SPOCK1: variants seen among roughly 807,000 people sequenced by gnomAD.
The protein encoded by SPOCK1 is SPARC (osteonectin), cwcv and kazal like domains proteoglycan 1.
Under a neutral mutation model 55.3 loss-of-function variants are expected in SPOCK1, and 23 were observed. The ratio of observed to expected loss-of-function variants is 0.42; its 90% CI spans 0.30 to 0.59. The LOEUF (loss-of-function observed/expected upper bound fraction) is 0.59, where lower values mean the gene tolerates loss of function less well. SPOCK1 is among the 20% of genes least tolerant of loss of function. SPOCK1 has a pLI of 0.22. For missense variants in SPOCK1, 499 were observed against 552.5 expected (o/e 0.90, Z 0.97); for synonymous variants, 226 against 221.0 (o/e 1.02, Z -0.20).
intron 5 of SPOCK1, among the ~76,000 whole-genome samples, chr5:137,077,641 C>T (rs1423984363): frequency 6.6e-6 from 1 of 152,182 alleles, no homozygotes; most frequent in African/African-American, 2.4e-5. Context: ...CAGACTTAGC[C>T]TCTCCTGGAG....
chr5:137,357,009 C>T (rs1243520561), intron 2 of SPOCK1, among the ~76,000 whole-genome samples: 2 of 150,854 alleles, frequency 1.3e-5, no homozygotes, highest in African/African-American at 4.9e-5. Flanking sequence ...CCCAGGAACA[C>T]AAAGGGAAGT....
At chr5:137,480,213 A>G (rs1399540381) in intron 2 of SPOCK1, among the ~76,000 whole-genome samples, 1 of 152,056 alleles carries the variant, frequency 6.6e-6, no homozygotes, top group Non-Finnish European at 1.5e-5. Flanking sequence ...AAATTCCTTC[A>G]ATACGCTGGC....
At chr5:137,044,508 A>G (rs569249214) in intron 6 of SPOCK1, among the ~76,000 whole-genome samples, 1 of 152,220 alleles carries the variant, frequency 6.6e-6, no homozygotes, top group Non-Finnish European at 1.5e-5. Context: ...TTTGAATTTT[A>G]AAAGGCGTAT....
chr5:137,054,799 C>T (rs1056794146), intron 6 of SPOCK1, among the ~76,000 whole-genome samples: 3 of 152,134 alleles, frequency 2.0e-5, no homozygotes, highest in African/African-American at 7.2e-5. Flanking sequence ...AGACATATTA[C>T]AAATTAATAT....
chr5:137,157,568 T>C (rs796695429), intron 3 of SPOCK1, among the ~76,000 whole-genome samples: 1 of 152,196 alleles, frequency 6.6e-6, no homozygotes, highest in African/African-American at 2.4e-5. Flanking sequence ...CTGGGCTGGG[T>C]CTTTAGCACC....
intron 2 of SPOCK1, among the ~76,000 whole-genome samples, chr5:137,386,934 A>G (rs1751610243): frequency 6.6e-6 from 1 of 152,248 alleles, no homozygotes; most frequent in Non-Finnish European, 1.5e-5. Context: ...AATTCAAAAT[A>G]TATAAAGAAC....
intron 4 of SPOCK1, among the ~76,000 whole-genome samples, chr5:137,123,945 C>T (rs1418967118): frequency 1.3e-5 from 2 of 152,020 alleles, no homozygotes; most frequent in African/African-American, 2.4e-5. Context: ...TTTGTACCCC[C>T]AATGCCAGCA....
intron 3 of SPOCK1, among the ~76,000 whole-genome samples, chr5:137,248,885 T>A (rs1380577737): frequency 6.6e-6 from 1 of 152,226 alleles, no homozygotes; most frequent in African/African-American, 2.4e-5. Flanking sequence ...TCCTTTCCCA[T>A]CTGAGAATCT....
intron 2 of SPOCK1, among the ~76,000 whole-genome samples, chr5:137,486,789 G>A (rs1754067034): frequency 1.3e-5 from 2 of 152,236 alleles, no homozygotes; most frequent in South Asian, 2.1e-4. Context: ...AGTAAACACA[G>A]TATTATTTTA....
chr5:137,223,925 T>C (rs1226278784), intron 3 of SPOCK1, among the ~76,000 whole-genome samples: 1 of 152,244 alleles, frequency 6.6e-6, no homozygotes, highest in Non-Finnish European at 1.5e-5. Flanking sequence ...GGAATCACCT[T>C]AGTGCACGCA....
chr5:137,199,571 C>G (rs557436740), intron 3 of SPOCK1, among the ~76,000 whole-genome samples: 1 of 152,180 alleles, frequency 6.6e-6, no homozygotes, highest in Non-Finnish European at 1.5e-5. Context: ...ATCTCCTCCT[C>G]CTCCTTGAAC....
chr5:136,995,904 G>C (rs1186866255), intron 6 of SPOCK1, among the ~76,000 whole-genome samples: 1 of 152,218 alleles, frequency 6.6e-6, no homozygotes, highest in Non-Finnish European at 1.5e-5. Context: ...GAAATGGAAA[G>C]AGGAGGCTCT....
At chr5:137,006,686 T>C (rs1751256157) in intron 6 of SPOCK1, among the ~76,000 whole-genome samples, 1 of 152,204 alleles carries the variant, frequency 6.6e-6, no homozygotes, top group African/African-American at 2.4e-5. Context: ...GAATACCTTT[T>C]ATTTCTTTCT....
At chr5:137,318,189 C>T (rs925442076) in intron 2 of SPOCK1, among the ~76,000 whole-genome samples, 6 of 152,104 alleles carry the variant, frequency 3.9e-5, no homozygotes, top group African/African-American at 1.4e-4. Context: ...CCTATCGTAA[C>T]ATTCCACTGG....
intron 2 of SPOCK1, among the ~76,000 whole-genome samples, chr5:137,448,523 C>A (rs952203643): frequency 6.6e-6 from 1 of 152,102 alleles, no homozygotes. Context: ...TGTGCCTGGG[C>A]TACAGCGGCC....
In SPOCK1 at chr5:137,201,780, T is replaced by C. The variant is rs184160401; in HGVS notation, c.233-61086A>G. Among the ~76,000 whole-genome samples, 597 of 152,284 alleles carry C rather than the reference T, an allele frequency of 3.9e-3. 3 individuals carry two copies. The highest frequency in any genetic ancestry group is 9.6e-3 in the African/African-American group (398 of 41,542). ...CTTGGATAATGGCTACAGTAAACGG[T>C]ACACACTGTCTCTTCTTCATCATTT... On this transcript the variant is annotated intron_variant, in intron 3 of 10. Coordinates refer to ENST00000394945, the MANE Select transcript of SPOCK1 (RefSeq NM_004598.4).
intron 3 of SPOCK1, among the ~76,000 whole-genome samples, chr5:137,151,504 T>A (rs563370073): frequency 6.6e-6 from 1 of 152,116 alleles, no homozygotes; most frequent in African/African-American, 2.4e-5. Context: ...GTTTAAAGGG[T>A]CCTAGAATGA....
At chr5:137,196,108 C>A (rs1273501749) in intron 3 of SPOCK1, among the ~76,000 whole-genome samples, 1 of 152,120 alleles carries the variant, frequency 6.6e-6, no homozygotes, top group East Asian at 1.9e-4. Flanking sequence ...CTTTTGCTAC[C>A]CATTACCTCA....
At chr5:137,179,948 CCAGGCAA>C (rs1754938389) in intron 3 of SPOCK1, among the ~76,000 whole-genome samples, 1 of 152,182 alleles carries the variant, frequency 6.6e-6, no homozygotes, top group South Asian at 2.1e-4. Flanking sequence ...CTCACTGATG[CCAGGCAA>C]CAGAGCGCCA....
Sources: allele counts gnomAD v4.1 joint callset (sites outside exome capture counted in the v4.1 genomes callset), GRCh38; gene constraint gnomAD v4.1.1; transcripts MANE v1.5; gene names NCBI Gene and HGNC (gene_info 2026-07-23, HGNC 2026-07-21).